Variants in SLC8B1 observed in about 807,000 individuals in gnomAD.
SLC8B1 encodes the protein solute carrier family 8 member B1.
A neutral mutation model predicts 63.4 loss-of-function variants in SLC8B1; 52 were observed. The ratio of observed to expected loss-of-function variants is 0.82; its 90% CI spans 0.66 to 1.03. The LOEUF is 1.03. Ranked by LOEUF, SLC8B1 falls within the 50% of genes least tolerant of loss-of-function variation. SLC8B1 has a pLI of 0.00. For synonymous variants in SLC8B1, 336 were observed against 323.9 expected, an observed-to-expected ratio of 1.04 and a Z score of -0.40; for missense variants, 657 against 741.7, an observed-to-expected ratio of 0.89 and a Z score of 1.33.
At chr12:113,317,634 G>A (rs1423262267) in intron 8 of SLC8B1, among the ~76,000 whole-genome samples, 1 of 152,192 alleles carries the variant, frequency 6.6e-6, no homozygotes, top group Non-Finnish European at 1.5e-5. Flanking sequence ...AGAGGCCTGG[G>A]ACCTGTATGG....
chr12:113,302,893 G>A (rs1394328274), intron 15 of SLC8B1, among the ~76,000 whole-genome samples: 1 of 152,148 alleles, frequency 6.6e-6, no homozygotes, highest in Non-Finnish European at 1.5e-5. Context: ...GTGTTTCAAA[G>A]CGACTTGTGG....
chr12:113,302,016 G>A (rs574784525), intron 15 of SLC8B1: 4 of 152,338 alleles, frequency 2.6e-5, no homozygotes, highest in South Asian at 2.1e-4. Context: ...AGCAACTCCC[G>A]TTCTCTAGAA....
chr12:113,304,295 C>T lies in SLC8B1; in HGVS notation c.1557+26G>A, dbSNP rs775673572. On this transcript the variant is annotated intron_variant, in intron 15 of 15. Coordinates refer to ENST00000680972, the MANE Select transcript of SLC8B1 (RefSeq NM_001358345.2). ...TCAAGCTACATCTTGGTTATATACA[C>T]TTGTAAACTTACAAGGAATACTCAC... 1.9e-6 allele frequency: 3 copies of T among 1,611,788 alleles called. No homozygotes were observed. In the African/African-American group the frequency reaches 4.0e-5, roughly 22 times the overall value.
chr12:113,322,698 G>C (rs1372893073), intron 2 of SLC8B1, among the ~76,000 whole-genome samples: 1 of 152,098 alleles, frequency 6.6e-6, no homozygotes. Context: ...TGTAACTGTA[G>C]CATTTTGGGA....
chr12:113,308,141 G>A (rs1324986833), intron 12 of SLC8B1: 1 of 242,800 alleles, frequency 4.1e-6, no homozygotes, highest in Non-Finnish European at 8.0e-6. Context: ...GAGGTCAGGA[G>A]TTCGAGACCA....
At chr12:113,321,614 G>A (rs937059852) in intron 2 of SLC8B1, among the ~76,000 whole-genome samples, 1 of 151,802 alleles carries the variant, frequency 6.6e-6, no homozygotes, top group Admixed American at 6.6e-5. Context: ...CCTGCCCTCC[G>A]TAAATCCCCC....
chr12:113,316,730 C>T, intron 9 of SLC8B1, 74 bp from the exon 10 acceptor site: 3 of 1,583,156 alleles, frequency 1.9e-6, no homozygotes, highest in Non-Finnish European at 2.6e-6. Context: ...CCGCTCCATC[C>T]CACCAGTCCT....
chr12:113,303,539 C>A (rs1956628760), intron 15 of SLC8B1, among the ~76,000 whole-genome samples: 2 of 152,200 alleles, frequency 1.3e-5, no homozygotes, highest in South Asian at 4.1e-4. Flanking sequence ...AGTCTCTGGA[C>A]TCAAGTCCTC....
Sources: allele counts gnomAD v4.1 joint callset (sites outside exome capture counted in the v4.1 genomes callset), GRCh38; gene constraint gnomAD v4.1.1; transcripts MANE v1.5; gene names NCBI Gene and HGNC (gene_info 2026-07-23, HGNC 2026-07-21).